Variants in B4GALT2 observed in about 807,000 individuals in gnomAD.
B4GALT2 encodes the protein beta-1,4-galactosyltransferase 2, also known as N-acetyllactosamine synthase.
Under a neutral mutation model 33.2 loss-of-function variants are expected in B4GALT2, and 18 were observed. The ratio of observed to expected loss-of-function variants is 0.54; its 90% CI spans 0.38 to 0.80. B4GALT2 has a LOEUF of 0.80. Among genes scored for constraint, B4GALT2 ranks in the 30% least tolerant of loss-of-function variants. B4GALT2 has a pLI of 0.00. For synonymous variants in B4GALT2, 214 were observed against 217.6 expected (o/e 0.98, Z 0.15); for missense variants, 404 against 526.2 (o/e 0.77, Z 2.27).
In B4GALT2 at chr1:43,981,277, G is replaced by A. The variant is rs1258162347; in HGVS notation, c.117G>A (p.Leu39=). The A allele has an allele frequency of 6.2e-7, 1 of 1,606,626 alleles. No homozygotes were observed. The highest frequency in any genetic ancestry group is 8.5e-7 in the Non-Finnish European group (1 of 1,179,884). Residue 39 remains leucine (L), a synonymous_variant, in exon 2 of 7, where the codon CTG becomes CTA. Transcript: ENST00000372324. The surrounding 1 kb of genome is among the most constrained non-coding windows in gnomAD (Gnocchi z 8.1). The stretch of plus-strand genomic sequence containing the variant: ...ACTTTGACGTCTACGCCCAGCACCT[G>A]GCCTTCTTCAGCCGCTTCAGTGCCC... The part of the protein sequence containing the change: ...ILYFDVYAQH[L]AFFSRFSARG...
Position 43,979,948 on chromosome 1 carries a change from C to G in B4GALT2, c.-53+437C>G. ...GCCAGCCTGACCCAGAACCCCTGCG[C>G]CGGAGGGAGGGTGGGAATGTCTGCA... On this transcript the variant is annotated intron_variant, in intron 1 of 6. Coordinates refer to ENST00000372324, the MANE Select transcript of B4GALT2 (RefSeq NM_003780.5). The surrounding 1 kb of genome is among the most constrained non-coding windows in gnomAD (Gnocchi z 4.8). 1.3e-6 allele frequency: 2 copies of G among 1,521,504 alleles called. No individual in the cohort carries two copies. Among genetic ancestry groups the G allele is most frequent in the East Asian group, 2.5e-5 (1 of 39,320 alleles). The allele number at this position is 1,521,504 out of a possible 1,614,324, so 94.3% of individuals were successfully genotyped here.
At chr1:43,985,422 A>T in intron 5 of B4GALT2, 22 bp downstream of exon 5, 2 of 490,736 alleles carry the variant, frequency 4.1e-6, no homozygotes, top group Non-Finnish European at 6.4e-6. Flanking sequence ...CGCGGTGGGG[A>T]ATAGGCTGGG....
intron 6 of B4GALT2, among the ~76,000 whole-genome samples, chr1:43,989,368 ACTT>A (rs1557653661): frequency 6.6e-6 from 1 of 150,604 alleles, no homozygotes; most frequent in Admixed American, 6.6e-5. Flanking sequence ...TGAAAAGGAG[ACTT>A]TATTTCTCTT....
Position 43,982,798 on chromosome 1 carries a change from T to G in B4GALT2, c.549+874T>G, listed in dbSNP as rs1270025506. ...TGTAAGGTTGTAAGGAGAGAGTGAC[T>G]TGCGTGTTTGCTTTGTAGAAAGGTC... On this transcript the variant is annotated intron_variant, in intron 3 of 6. Transcript: ENST00000372324. This position sits in a 1 kb window ranked among gnomAD's most constrained non-coding sequence, Gnocchi z 4.3. Among the ~76,000 whole-genome samples the G allele has an allele frequency of 6.6e-6, 1 of 152,180 alleles. No individual in the cohort carries two copies. The highest frequency in any genetic ancestry group is 2.4e-5 in the African/African-American group (1 of 41,438).
Position 43,990,382 on chromosome 1 carries a change from G to A in B4GALT2, c.1053G>A (p.Arg351=). ...SVRYQVLEVS[R]QPLFTNITVD... Reference sequence around the variant, plus strand: ...GGTACCAGGTCTTGGAGGTGTCTCGGCAACCACTCTTCACCAATATCACAG... The same window carrying A: ...GGTACCAGGTCTTGGAGGTGTCTCGACAACCACTCTTCACCAATATCACAG... The change falls in exon 7 of 7, where the codon CGG becomes CGA. Residue 351 remains arginine, a synonymous_variant. Transcript: ENST00000372324. 6.2e-7 allele frequency: 1 copy of A among 1,614,158 alleles called. No individual in the cohort carries two copies. The highest frequency in any genetic ancestry group is 2.2e-5 in the East Asian group (1 of 44,886).
intron 6 of B4GALT2, 89 bp downstream of exon 6, chr1:43,985,710 C>G: frequency 6.3e-6 from 8 of 1,260,180 alleles, no homozygotes; most frequent in African/African-American, 1.5e-5. Context: ...TCCCTGATCC[C>G]CCAGTGGGGG....
In B4GALT2 at chr1:43,984,850, C is replaced by G. The variant is rs747534760; in HGVS notation, c.550-15C>G. ...GTCACAGGCCCAGGGTTGACCTGCT[C>G]CTCCCCCTACCCAGCATGGTGAGGA... is the stretch of plus-strand genomic sequence containing the variant. On this transcript the variant is annotated splice_polypyrimidine_tract_variant and intron_variant, in intron 3 of 6. Transcript: ENST00000372324. This position sits in a 1 kb window ranked among gnomAD's most constrained non-coding sequence, Gnocchi z 5.6. 12 of 1,610,800 alleles carry G rather than the reference C, an allele frequency of 7.4e-6. No homozygotes were observed. The highest frequency in any genetic ancestry group is 1.0e-5 in the Non-Finnish European group (12 of 1,177,852).
Position 43,984,743 on chromosome 1 carries a change from G to T in B4GALT2, c.550-122G>T. The T allele has an allele frequency of 9.8e-7, 1 of 1,023,670 alleles. No individual in the cohort carries two copies. Among genetic ancestry groups the T allele is most frequent in the East Asian group, 2.6e-5 (1 of 38,582 alleles). 63.4% of individuals were successfully genotyped at this position (1,023,670 alleles called of 1,614,324 possible). On this transcript the variant is annotated intron_variant, in intron 3 of 6. Coordinates refer to ENST00000372324, the MANE Select transcript of B4GALT2 (RefSeq NM_003780.5). The surrounding 1 kb of genome is among the most constrained non-coding windows in gnomAD (Gnocchi z 5.6). ...CGAGAAGCTGGACTAGATCCTGAGA[G>T]CCTGGAGGAGCCATGCAGCGAGGGG...
chr1:43,987,390 C>T (rs2085670030), intron 6 of B4GALT2, among the ~76,000 whole-genome samples: 1 of 152,166 alleles, frequency 6.6e-6, no homozygotes, highest in Admixed American at 6.5e-5. Context: ...TTACATTTCA[C>T]ACACCCTTTA....
chr1:43,990,469 C>T lies in B4GALT2; in HGVS notation c.*21C>T, dbSNP rs548202594. 15 of 1,613,694 alleles carry T rather than the reference C, an allele frequency of 9.3e-6. No individual in the cohort carries two copies. The highest frequency in any genetic ancestry group is 6.7e-5 in the East Asian group (3 of 44,882). Reference sequence around the variant, plus strand: ...GCTGACACTAATGGACAGAGGCTCTCGGTGCCGAAGATTGCCTGCCAGAGG... The same window carrying T: ...GCTGACACTAATGGACAGAGGCTCTTGGTGCCGAAGATTGCCTGCCAGAGG... On this transcript the variant is annotated 3_prime_UTR_variant, in exon 7 of 7. Transcript: ENST00000372324.
rs756709834 is a variant in B4GALT2, at chr1:43,984,939, C to T, written c.624C>T (p.Ala208=). 2 of 1,614,132 alleles carry T rather than the reference C, an allele frequency of 1.2e-6. No individual in the cohort carries two copies. The highest frequency in any genetic ancestry group is 2.2e-5 in the South Asian group (2 of 91,088). The change falls in exon 4 of 7, where the codon GCC becomes GCT. Residue 208 remains alanine (A), a synonymous_variant. Coordinates refer to ENST00000372324, the MANE Select transcript of B4GALT2 (RefSeq NM_003780.5). This position sits in a 1 kb window ranked among gnomAD's most constrained non-coding sequence, Gnocchi z 5.6. Reference sequence around the variant, plus strand: ...TAGAGGCGCTGAAGGAGGATGCCGCCTATGACTGCTTCATCTTCAGCGATG... The same window carrying T: ...TAGAGGCGCTGAAGGAGGATGCCGCTTATGACTGCTTCATCTTCAGCGATG... ...GFLEALKEDA[A]YDCFIFSDVD...
In B4GALT2 at chr1:43,979,436, G is replaced by T; in HGVS notation, c.-128G>T. On this transcript the variant is annotated 5_prime_UTR_variant, in exon 1 of 7. Transcript: ENST00000372324. The surrounding 1 kb of genome is among the most constrained non-coding windows in gnomAD (Gnocchi z 4.8). The stretch of plus-strand genomic sequence containing the variant: ...CGGCGGGGCCGGGCCATGGGGGACG[G>T]AACCGTCCGCAGCCGCCGGAGCCGG... 1 of 151,348 alleles carries T rather than the reference G, an allele frequency of 6.6e-6. No individual in the cohort carries two copies. The highest frequency in any genetic ancestry group is 1.8e-4 in the South Asian group (1 of 5,526). 9.4% of individuals were successfully genotyped at this position (151,348 alleles called of 1,614,324 possible).
intron 4 of B4GALT2, 67 bp downstream of exon 4, chr1:43,985,122 C>G (rs1296058571): frequency 1.3e-6 from 2 of 1,587,382 alleles, no homozygotes; most frequent in Non-Finnish European, 1.7e-6. Context: ...CACTTCCAGC[C>G]CCCGAGCCCC....
Position 43,981,838 on chromosome 1 carries a change from G to T in B4GALT2, c.463G>T (p.Glu155Ter). Reference protein sequence around the residue: ...VAVIIPFRHREHHLRYWLHYL... With the variant: ...VAVIIPFRHR ...GGTCATCATCCCCTTTAGACACCGGGAACACCACCTGCGCTACTGGCTCCA... is the reference window on the plus strand; with the variant it reads ...GGTCATCATCCCCTTTAGACACCGGTAACACCACCTGCGCTACTGGCTCCA... The change falls in exon 3 of 7, where the codon GAA (glutamate) becomes TAA (stop). Residue 155 changes from glutamate (E) to a stop codon, truncating the protein, a stop_gained. Coordinates refer to ENST00000372324, the MANE Select transcript of B4GALT2 (RefSeq NM_003780.5). LOFTEE classifies it high-confidence loss of function. The surrounding 1 kb of genome is among the most constrained non-coding windows in gnomAD (Gnocchi z 8.1). The T allele has an allele frequency of 6.2e-7, 1 of 1,613,898 alleles. No individual in the cohort carries two copies. The highest frequency in any genetic ancestry group is 8.5e-7 in the Non-Finnish European group (1 of 1,180,024).
Position 43,981,520 on chromosome 1 carries a change from T to C in B4GALT2, c.313+47T>C. On this transcript the variant is annotated intron_variant, in intron 2 of 6. Transcript: ENST00000372324. The surrounding 1 kb of genome is among the most constrained non-coding windows in gnomAD (Gnocchi z 8.1). ...TGCCTGTGGGGAAACAGGGTTTTAT[T>C]GGTTTGACTAGAGAAATGGCATCTG... 6.5e-7 allele frequency: 1 copy of C among 1,529,576 alleles called. No individual in the cohort carries two copies. The highest frequency in any genetic ancestry group is 8.8e-7 in the Non-Finnish European group (1 of 1,140,068). 94.8% of individuals were successfully genotyped at this position (1,529,576 alleles called of 1,614,324 possible). A position where few individuals can be genotyped will look rare whatever the true frequency, so the allele number is the denominator to read the frequency against.
Position 43,982,000 on chromosome 1 carries a change from G to A in B4GALT2, c.549+76G>A, listed in dbSNP as rs538251141. ...GGCGTTTGTGGGTCCTTGTCTGCCC[G>A]TGTGGATATGTGGATGGACCTGGGC... On this transcript the variant is annotated intron_variant, in intron 3 of 6. Transcript: ENST00000372324. This position sits in a 1 kb window ranked among gnomAD's most constrained non-coding sequence, Gnocchi z 8.1. 1.4e-3 allele frequency: 2,046 copies of A among 1,419,202 alleles called. 3 individuals carry two copies. Among genetic ancestry groups the A allele is most frequent in the Non-Finnish European group, 1.7e-3 (1,765 of 1,025,322 alleles). The allele number at this position is 1,419,202 out of a possible 1,614,324, so 87.9% of individuals were successfully genotyped here. A position where few individuals can be genotyped will look rare whatever the true frequency, so the allele number is the denominator to read the frequency against.
chr1:43,985,441 G>GAA (rs771988865), intron 5 of B4GALT2, 41 bp downstream of exon 5: 2 of 532,302 alleles, frequency 3.8e-6, no homozygotes, highest in South Asian at 2.4e-5. Context: ...GGTGGGGGGG[G>GAA]GAGGGGGGGT....
intron 1 of B4GALT2, chr1:43,980,040 C>CTTGT: frequency 6.6e-7 from 1 of 1,515,330 alleles, no homozygotes; most frequent in Non-Finnish European, 8.8e-7. Context: ...GAGCAGTGGC[C>CTTGT]TTGTTTGTGA....
chr1:43,990,218 T>G (rs893103531), intron 6 of B4GALT2, 80 bp from the exon 7 acceptor site: 17 of 1,546,676 alleles, frequency 1.1e-5, no homozygotes, highest in Non-Finnish European at 1.4e-5. Flanking sequence ...GGGGGTCCAT[T>G]TAGTTGGTTG....
Sources: gnomAD v4.1 joint callset for allele counts (sites outside exome capture counted in the v4.1 genomes callset) on GRCh38, gnomAD v4.1.1 for gene constraint, Gnocchi (gnomAD v3.1) non-coding constraint, MANE v1.5 for transcripts, NCBI Gene and HGNC (gene_info 2026-07-23, HGNC 2026-07-21) for gene names.